The following CTBP2 variants were observed in gnomAD, a reference collection of about 807,000 sequenced individuals.
CTBP2 encodes C-terminal-binding protein 2.
CTBP2 carries 30 observed loss-of-function variants against 80.3 expected under a neutral mutation model. That is an observed-to-expected ratio of 0.37 (90% CI 0.28 to 0.51). The LOEUF is 0.51. CTBP2 is among the 20% of genes least tolerant of loss of function. The pLI is 0.93. For synonymous variants in CTBP2, 594 were observed against 587.4 expected, an observed-to-expected ratio of 1.01 and a Z score of -0.16; for missense variants, 1,212 against 1,375.3, an observed-to-expected ratio of 0.88 and a Z score of 1.88.
At chr10:125,102,342 C>T (rs1417511389) in intron 2 of CTBP2, among the ~76,000 whole-genome samples, 1 of 152,222 alleles carries the variant, frequency 6.6e-6, no homozygotes, top group African/African-American at 2.4e-5. Context: ...GAGGAAGTGC[C>T]AGAGCCGCTG....
chr10:125,031,955 G>A (rs887915229), upstream of CTBP2, among the ~76,000 whole-genome samples: 17 of 152,244 alleles, frequency 1.1e-4, 1 homozygote, highest in Middle Eastern at 0.017. Context: ...TGAAAACAAA[G>A]GCCTGCACAT....
rs376819281 is a variant in CTBP2 at position 125,026,536 on chromosome 10, G to A, written c.1224C>T (p.Ser408=). 1.4e-5 allele frequency: 23 copies of A among 1,587,494 alleles called. No homozygotes were observed. In the African/African-American group the frequency reaches 2.3e-4, roughly 16 times the overall value. ...TCTCCAGGAGGTGCTGAGATGGTGC[G>A]CTGGAGGGACGGCGAGCCGGGTCTC... The change falls in exon 1 of 9, where the codon AGC becomes AGT. Residue 408 remains serine, a synonymous_variant. Coordinates refer to ENST00000309035, the MANE Select transcript of CTBP2 (RefSeq NM_022802.3).
chr10:125,097,760 C>T (rs1030994346), intron 2 of CTBP2, among the ~76,000 whole-genome samples: 3 of 152,248 alleles, frequency 2.0e-5, no homozygotes, highest in African/African-American at 7.2e-5. Flanking sequence ...GTCTCAATGA[C>T]AGGCCCTCTG....
intron 1 of CTBP2, chr10:125,026,030 C>A: frequency 6.6e-7 from 1 of 1,521,082 alleles, no homozygotes; most frequent in South Asian, 1.3e-5. Context: ...AACCCCGCAC[C>A]CCCCTGCTCC....
At position 124,987,023 on chromosome 10, in the gene CTBP2, C is replaced by T. The variant is rs1268276376; in HGVS notation, c.*2495G>A. 6.6e-6 allele frequency: 1 copy of T among 152,548 alleles called. No homozygotes were observed. Among genetic ancestry groups the T allele is most frequent in the Non-Finnish European group, 1.5e-5 (1 of 68,024 alleles). 9.4% of individuals were successfully genotyped at this position (152,548 alleles called of 1,614,324 possible). A position where few individuals can be genotyped will look rare whatever the true frequency, so the allele number is the denominator to read the frequency against. ...TGACCACATAGTGTGATAGGTGCAGCATTCTTCCCTGTGGGAAAGAATTAA... is the reference window on the plus strand; with the variant it reads ...TGACCACATAGTGTGATAGGTGCAGTATTCTTCCCTGTGGGAAAGAATTAA... On this transcript the variant is annotated 3_prime_UTR_variant, in exon 9 of 9. Transcript: ENST00000309035.
At chr10:125,158,473 T>C (rs1861328666) in intron 1 of CTBP2, among the ~76,000 whole-genome samples, 1 of 152,234 alleles carries the variant, frequency 6.6e-6, no homozygotes, top group African/African-American at 2.4e-5. Flanking sequence ...TCCAACAGAA[T>C]TGCAAATAAG....
At chr10:125,103,841 C>G (rs1187081388) in intron 2 of CTBP2, among the ~76,000 whole-genome samples, 4 of 152,116 alleles carry the variant, frequency 2.6e-5, no homozygotes, top group African/African-American at 9.7e-5. Flanking sequence ...AAGCCTGTCC[C>G]ACAGCTCTGG....
rs76135095 is a variant in CTBP2 at position 125,036,210 on chromosome 10, G to A, written c.58+2787C>T. On this transcript the variant is annotated intron_variant, in intron 3 of 10. Coordinates refer to the CTBP2 transcript ENST00000337195. ...GCTTTGAAAAGTTTCAAAGAGGAAGGGGCTGGACAGGCCTTAGAAAACAGG... is the reference window on the plus strand; with the variant it reads ...GCTTTGAAAAGTTTCAAAGAGGAAGAGGCTGGACAGGCCTTAGAAAACAGG... Among the ~76,000 whole-genome samples, 1,405 of 152,194 alleles carry A rather than the reference G, an allele frequency of 9.2e-3. 25 individuals carry two copies. Among genetic ancestry groups the A allele is most frequent in the African/African-American group, 0.031 (1,308 of 41,524 alleles).
At chr10:125,118,098 G>A (rs1853641782) in intron 1 of CTBP2, among the ~76,000 whole-genome samples, 1 of 152,218 alleles carries the variant, frequency 6.6e-6, no homozygotes, top group African/African-American at 2.4e-5. Context: ...AAACTGGAAG[G>A]GAAGTCTTGG....
At chr10:125,078,295 A>ACAAC (rs1846608686) in intron 2 of CTBP2, among the ~76,000 whole-genome samples, 1 of 130,386 alleles carries the variant, frequency 7.7e-6, no homozygotes, top group Non-Finnish European at 1.8e-5. Flanking sequence ...AAAAAAAAAA[A>ACAAC]AAAAACCTTT....
chr10:125,003,982 G>A (rs1954904431), intron 1 of CTBP2, among the ~76,000 whole-genome samples: 1 of 152,220 alleles, frequency 6.6e-6, no homozygotes, highest in African/African-American at 2.4e-5. Context: ...GCGGGTCTGG[G>A]GCAGGGAAGG....
intron 2 of CTBP2, among the ~76,000 whole-genome samples, chr10:125,077,411 G>A (rs1846432932): frequency 2.0e-5 from 3 of 152,282 alleles, no homozygotes; most frequent in Admixed American, 2.0e-4. Flanking sequence ...TGGGGATGGA[G>A]TGACTCCCTT....
chr10:125,058,442 G>A (rs769029508), intron 2 of CTBP2, among the ~76,000 whole-genome samples: 15 of 152,284 alleles, frequency 9.9e-5, no homozygotes, highest in Non-Finnish European at 2.1e-4. Context: ...AGGATCTGGA[G>A]GACGGTGTTC....
chr10:125,065,557 G>A (rs901716111), intron 2 of CTBP2, among the ~76,000 whole-genome samples: 3 of 152,124 alleles, frequency 2.0e-5, no homozygotes, highest in South Asian at 2.1e-4. Flanking sequence ...CACATCCTGC[G>A]CAGTCAGCTC....
At chr10:125,071,713 ACT>A (rs1370434107) in intron 2 of CTBP2, among the ~76,000 whole-genome samples, 2 of 152,022 alleles carry the variant, frequency 1.3e-5, no homozygotes, top group Non-Finnish European at 2.9e-5. Flanking sequence ...AAAGACAGTA[ACT>A]CTCTAAAACC....
intron 2 of CTBP2, among the ~76,000 whole-genome samples, chr10:125,083,004 CA>C (rs1847410637): frequency 5.9e-5 from 9 of 152,136 alleles, no homozygotes; most frequent in Admixed American, 5.9e-4. Flanking sequence ...GCACACCAAG[CA>C]AGATTTAAGT....
At chr10:125,034,272 G>A (rs1323366904) in intron 3 of CTBP2, among the ~76,000 whole-genome samples, 1 of 152,176 alleles carries the variant, frequency 6.6e-6, no homozygotes, top group Non-Finnish European at 1.5e-5. Context: ...CTGGGGAGGG[G>A]TCCCCCACTC....
rs1952021747 is a variant in CTBP2, at chr10:124,985,882, G to C, written c.*3636C>G. Reference sequence around the variant, plus strand: ...CTGCTCCCAGATTGCCATGCCAGAGGGTCTTCGGATTCTTCCTTCTATCAC... The same window carrying C: ...CTGCTCCCAGATTGCCATGCCAGAGCGTCTTCGGATTCTTCCTTCTATCAC... On this transcript the variant is annotated 3_prime_UTR_variant, in exon 9 of 9. Coordinates refer to ENST00000309035, the MANE Select transcript of CTBP2 (RefSeq NM_022802.3). The C allele has an allele frequency of 6.7e-6, 1 of 149,180 alleles. No homozygotes were observed. Among genetic ancestry groups the C allele is most frequent in the Non-Finnish European group, 1.5e-5 (1 of 66,178 alleles). The allele number at this position is 149,180 out of a possible 1,614,324, so 9.2% of individuals were successfully genotyped here.
chr10:125,149,994 G>C (rs115736006), intron 1 of CTBP2, among the ~76,000 whole-genome samples: 1 of 152,198 alleles, frequency 6.6e-6, no homozygotes, highest in Non-Finnish European at 1.5e-5. Context: ...AAGTTCACCC[G>C]GCAAAACCTA....
Sources: allele counts gnomAD v4.1 joint callset (sites outside exome capture counted in the v4.1 genomes callset), GRCh38; gene constraint gnomAD v4.1.1; transcripts MANE v1.5; gene names NCBI Gene and HGNC (gene_info 2026-07-23, HGNC 2026-07-21).